The following ICA1 variants were observed in gnomAD, a reference collection of about 807,000 sequenced individuals.
ICA1 encodes the protein islet cell autoantigen 1.
A neutral mutation model predicts 71.0 loss-of-function variants in ICA1; 40 were observed. The observed-to-expected ratio is 0.56, with a 90% CI of 0.44 to 0.73. The LOEUF is 0.73. ICA1 is among the 30% of genes least tolerant of loss of function. The pLI, the probability that ICA1 is intolerant of heterozygous loss-of-function variation, is 0.00. For missense variants in ICA1, 578 were observed against 576.5 expected (o/e 1.00, Z -0.03); for synonymous variants, 207 against 209.5 (o/e 0.99, Z 0.10).
At chr7:8,190,417 T>A (rs1448529699) in intron 6 of ICA1, among the ~76,000 whole-genome samples, 2 of 151,946 alleles carry the variant, frequency 1.3e-5, no homozygotes, top group African/African-American at 4.8e-5. Flanking sequence ...TAAAAGTAAA[T>A]GTACAAAAAA....
At chr7:8,121,899 G>T (rs569357053) in intron 13 of ICA1, among the ~76,000 whole-genome samples, 37 of 152,288 alleles carry the variant, frequency 2.4e-4, no homozygotes, top group African/African-American at 7.7e-4. Flanking sequence ...TAGTCCCACA[G>T]AAATTAAAAG....
intron 6 of ICA1, among the ~76,000 whole-genome samples, chr7:8,174,973 AAG>A (rs1219108413): frequency 6.6e-6 from 1 of 152,148 alleles, no homozygotes; most frequent in Non-Finnish European, 1.5e-5. Flanking sequence ...TGCTAAGAGA[AAG>A]AGAGGAATGG....
At chr7:8,156,929 TAA>T (rs67144473) in intron 8 of ICA1, 185 bp downstream of exon 8, 85 of 1,518,528 alleles carry the variant, frequency 5.6e-5, no homozygotes, top group South Asian at 1.4e-4. Context: ...CCTGATGCAG[TAA>T]AAAAAAAAAA....
In ICA1 at chr7:8,253,964, C is replaced by T. The variant is rs75793880; in HGVS notation, c.-80+8130G>A. Among the ~76,000 whole-genome samples, 489 of 152,258 alleles carry T rather than the reference C, an allele frequency of 3.2e-3. 12 individuals carry two copies. Among genetic ancestry groups the T allele is most frequent in the Admixed American group, 0.027 (410 of 15,298 alleles). On this transcript the variant is annotated intron_variant, in intron 1 of 13. Transcript: ENST00000402384. ...AGCCATCAGAATAATCAGGGAGATG[C>T]TAATGTTTATAAGGTTCTCTTCCTT...
chr7:8,259,172 C>A (rs951209721), intron 1 of ICA1, among the ~76,000 whole-genome samples: 2 of 152,198 alleles, frequency 1.3e-5, no homozygotes, highest in African/African-American at 4.8e-5. Context: ...AGCATTGCTT[C>A]TCAAATGTTA....
chr7:8,171,797 T>C (rs951880516), intron 6 of ICA1, among the ~76,000 whole-genome samples: 2 of 151,976 alleles, frequency 1.3e-5, no homozygotes, highest in African/African-American at 4.8e-5. Context: ...CATTTTGATA[T>C]GTTGTGTTCT....
At chr7:8,158,754 G>C in intron 6 of ICA1, 102 bp from the exon 7 acceptor site, 1 of 1,214,982 alleles carries the variant, frequency 8.2e-7, no homozygotes, top group Non-Finnish European at 1.2e-6. Flanking sequence ...TTTCACATAT[G>C]AAAAGACTTT....
chr7:8,113,845 T>A lies in ICA1; in HGVS notation c.*78A>T. The A allele has an allele frequency of 6.8e-7, 1 of 1,476,974 alleles. No individual in the cohort carries two copies. 91.5% of individuals were successfully genotyped at this position (1,476,974 alleles called of 1,614,324 possible). ...GCACATAATTATTAAAACAGCATACTGATCACTTTATACTTCTGCTAGCCC... is the reference window on the plus strand; with the variant it reads ...GCACATAATTATTAAAACAGCATACAGATCACTTTATACTTCTGCTAGCCC... On this transcript the variant is annotated 3_prime_UTR_variant, in exon 14 of 14. Coordinates refer to ENST00000402384, the MANE Select transcript of ICA1 (RefSeq NM_001136020.3). The surrounding 1 kb of genome is among the most constrained non-coding windows in gnomAD (Gnocchi z 4.2).
chr7:8,135,500 C>A (rs147813244), intron 12 of ICA1, among the ~76,000 whole-genome samples: 1 of 152,204 alleles, frequency 6.6e-6, no homozygotes, highest in Non-Finnish European at 1.5e-5. Context: ...AAAGAGAAGG[C>A]GCTTTTTAGA....
At chr7:8,258,546 G>A (rs988438766) in intron 1 of ICA1, among the ~76,000 whole-genome samples, 9 of 152,128 alleles carry the variant, frequency 5.9e-5, no homozygotes, top group Non-Finnish European at 1.2e-4. Flanking sequence ...GAGTATCCTC[G>A]CAATACGGCC....
At chr7:8,138,059 G>A (rs17330124) in intron 12 of ICA1, among the ~76,000 whole-genome samples, 17,160 of 152,176 alleles carry the variant, frequency 0.11, 1,146 homozygotes, top group Non-Finnish European at 0.16. Flanking sequence ...GTGTATTTTG[G>A]ACTCTTGGTA....
intron 12 of ICA1, among the ~76,000 whole-genome samples, chr7:8,133,866 TGCAA>T (rs1792382366): frequency 6.7e-6 from 1 of 149,596 alleles, no homozygotes. Flanking sequence ...TTTTTTTTTT[TGCAA>T]CCAATAGGAA....
In ICA1 at chr7:8,248,282, C is replaced by G. The variant is rs549372351; in HGVS notation, c.-79-12277G>C. On this transcript the variant is annotated intron_variant, in intron 1 of 13. Transcript: ENST00000402384. Reference sequence around the variant, plus strand: ...CTGTACTGAGCATATGGTGGAATCTCTTGAGTTGCATATCTGAGTCAATGC... The same window carrying G: ...CTGTACTGAGCATATGGTGGAATCTGTTGAGTTGCATATCTGAGTCAATGC... Among the ~76,000 whole-genome samples the G allele has an allele frequency of 1.3e-4, 19 of 149,294 alleles. No homozygotes were observed. The South Asian group carries it at 1.8e-3, about 14-fold the overall frequency.
intron 8 of ICA1, among the ~76,000 whole-genome samples, chr7:8,146,255 G>A (rs867746514): frequency 1.3e-5 from 2 of 152,154 alleles, no homozygotes; most frequent in Admixed American, 6.5e-5. Flanking sequence ...GTCCTCTTTT[G>A]GAAGTGACAT....
intron 1 of ICA1, among the ~76,000 whole-genome samples, chr7:8,248,162 T>C (rs3807814): frequency 0.33 from 50,170 of 152,076 alleles, 8,727 homozygotes; most frequent in East Asian, 0.45. Context: ...TTTACAACTT[T>C]AGTGGTAGAA....
intron 13 of ICA1, among the ~76,000 whole-genome samples, chr7:8,122,189 C>G (rs4636111): frequency 0.45 from 68,104 of 152,028 alleles, 18,933 homozygotes; most frequent in African/African-American, 0.79. Flanking sequence ...ACTGAAGCTT[C>G]ATATGGCTGG....
At chr7:8,243,824 C>T (rs143850625) in intron 1 of ICA1, among the ~76,000 whole-genome samples, 3,080 of 152,172 alleles carry the variant, frequency 0.02, 96 homozygotes, top group African/African-American at 0.068. Flanking sequence ...ACAATTGCTA[C>T]GAAGAGAATA....
chr7:8,142,189 G>C (rs1218705375), intron 9 of ICA1: 1 of 397,924 alleles, frequency 2.5e-6, no homozygotes, highest in South Asian at 2.2e-5. Flanking sequence ...TGTTATAGGA[G>C]AGGACACCTC....
chr7:8,205,097 C>CGG (rs1238058497), intron 6 of ICA1, among the ~76,000 whole-genome samples: 1 of 139,338 alleles, frequency 7.2e-6, no homozygotes, highest in Non-Finnish European at 1.5e-5. Flanking sequence ...AAAAAAAAGG[C>CGG]GGGGGGGTGG....
Sources: allele counts gnomAD v4.1 joint callset (sites outside exome capture counted in the v4.1 genomes callset), GRCh38; gene constraint gnomAD v4.1.1; non-coding constraint Gnocchi (gnomAD v3.1); transcripts MANE v1.5; gene names NCBI Gene and HGNC (gene_info 2026-07-23, HGNC 2026-07-21).